ZNF438: variants seen among roughly 807,000 people sequenced by gnomAD.
The protein encoded by ZNF438 is zinc finger protein 438.
ZNF438 carries 25 observed loss-of-function variants against 38.0 expected under a neutral mutation model. The observed-to-expected ratio is 0.66, with a 90% confidence interval of 0.48 to 0.92. ZNF438 has a LOEUF of 0.92. Ranked by LOEUF, ZNF438 falls within the 40% of genes least tolerant of loss-of-function variation. The probability of loss-of-function intolerance (pLI) is 0.00; values close to 1 mark genes in which losing one functional copy is unlikely to be tolerated. For synonymous variants in ZNF438, 372 were observed against 364.1 expected (o/e 1.02, Z -0.25); for missense variants, 1,007 against 999.6 (o/e 1.01, Z -0.10).
At chr10:30,868,968 A>G (rs1246389470) in intron 4 of ZNF438, among the ~76,000 whole-genome samples, 1 of 152,260 alleles carries the variant, frequency 6.6e-6, no homozygotes, top group Non-Finnish European at 1.5e-5. Context: ...AAATATATTT[A>G]CATGGTTAAT....
chr10:31,010,215 A>G (rs558808088), intron 1 of ZNF438, among the ~76,000 whole-genome samples: 1 of 152,352 alleles, frequency 6.6e-6, no homozygotes, highest in Admixed American at 6.5e-5. Context: ...ACATGGCTAA[A>G]AGAAAAAATA....
chr10:30,865,675 G>A (rs367747954), intron 4 of ZNF438, among the ~76,000 whole-genome samples: 2 of 152,184 alleles, frequency 1.3e-5, no homozygotes, highest in African/African-American at 4.8e-5. Context: ...TAATGATTTG[G>A]ATCTGAGGAA....
At chr10:30,982,095 C>CTTTTTTTT (rs149729936) in intron 1 of ZNF438, among the ~76,000 whole-genome samples, 1 of 52,124 alleles carries the variant, frequency 1.9e-5, no homozygotes. Context: ...TCCTTTTTCT[C>CTTTTTTTT]TTTCTTTTTT....
At chr10:30,980,672 T>C (rs1021356946) in intron 1 of ZNF438, among the ~76,000 whole-genome samples, 5 of 152,068 alleles carry the variant, frequency 3.3e-5, no homozygotes, top group Admixed American at 2.0e-4. Flanking sequence ...AGTAAAGAAA[T>C]TGTAAATTTG....
intron 3 of ZNF438, among the ~76,000 whole-genome samples, chr10:30,902,798 C>T (rs1037513219): frequency 2.6e-5 from 4 of 152,234 alleles, no homozygotes; most frequent in African/African-American, 7.2e-5. Context: ...GCCAGTCCCG[C>T]AGTGTGCCCG....
intron 4 of ZNF438, among the ~76,000 whole-genome samples, chr10:30,868,086 T>TG (rs35035628): frequency 6.6e-6 from 1 of 151,934 alleles, no homozygotes; most frequent in Non-Finnish European, 1.5e-5. Flanking sequence ...TTTTTTTTTT[T>TG]GAGACGGAGT....
At chr10:30,910,552 A>AG (rs1395222197) in intron 2 of ZNF438, 1 of 151,872 alleles carries the variant, frequency 6.6e-6, no homozygotes, top group African/African-American at 2.4e-5. Context: ...GAGTCTCAGC[A>AG]GGGGCATGGT....
At chr10:30,902,144 G>C (rs529532006) in intron 3 of ZNF438, among the ~76,000 whole-genome samples, 19 of 152,092 alleles carry the variant, frequency 1.2e-4, no homozygotes, top group African/African-American at 3.1e-4. Flanking sequence ...GGGTTGCCAT[G>C]GCTGGGACTG....
intron 2 of ZNF438, among the ~76,000 whole-genome samples, chr10:30,927,594 T>C (rs933310936): frequency 2.0e-5 from 3 of 152,250 alleles, no homozygotes; most frequent in Non-Finnish European, 2.9e-5. Flanking sequence ...CCCTTAGTTT[T>C]AGCAGATTAA....
rs908699369 is a variant in ZNF438, at chr10:30,868,614, C to T, written c.37+8384G>A. 4.6e-5 allele frequency among the ~76,000 whole-genome samples: 7 copies of T among 152,058 alleles called. No individual in the cohort carries two copies. In the East Asian group the frequency reaches 1.3e-3, roughly 29 times the overall value. ...ATTAGATTTTTAAAAACAGAAAATG[C>T]CTATCCTTTATTTTTGGCTTGCATA... On this transcript the variant is annotated intron_variant, in intron 4 of 5. Transcript: ENST00000413025.
chr10:30,941,514 T>C, intron 2 of ZNF438, 61 bp downstream of exon 3: 1 of 152,334 alleles, frequency 6.6e-6, no homozygotes, highest in South Asian at 2.1e-4. Flanking sequence ...TTAGTAAACT[T>C]AATTCTTTGC....
rs577246525 is a variant in ZNF438 at position 31,011,107 on chromosome 10, G to A, written c.-192+20726C>T. Among the ~76,000 whole-genome samples, 8 of 152,220 alleles carry A rather than the reference G, an allele frequency of 5.3e-5. No homozygotes were observed. The East Asian group carries it at 5.8e-4, about 11-fold the overall frequency. ...ACCACTTTGTAACGGGAGGGTGCAC[G>A]TACCACTGTCAGGCAAAACAGGTGC... On this transcript the variant is annotated intron_variant, in intron 1 of 5. Coordinates refer to ENST00000413025, the Ensembl canonical transcript of ZNF438.
intron 1 of ZNF438, among the ~76,000 whole-genome samples, chr10:30,969,995 A>C (rs372538888): frequency 2.0e-5 from 3 of 152,044 alleles, no homozygotes; most frequent in African/African-American, 7.2e-5. Flanking sequence ...ATATTTACTG[A>C]GACCTTTGGC....
rs77891825 is a variant in ZNF438, at chr10:30,997,326, T to C, written c.-192+34507A>G. Among the ~76,000 whole-genome samples, 902 of 152,082 alleles carry C rather than the reference T, an allele frequency of 5.9e-3. 9 individuals are homozygous for C. The highest frequency in any genetic ancestry group is 0.021 in the African/African-American group (870 of 41,480). On this transcript the variant is annotated intron_variant, in intron 1 of 5. Coordinates refer to ENST00000413025, the Ensembl canonical transcript of ZNF438. ...CTTATTAGGAGGAACAAAATCCAGATTGCAAGGAATTTAAGGAATAAATGG... is the reference window on the plus strand; with the variant it reads ...CTTATTAGGAGGAACAAAATCCAGACTGCAAGGAATTTAAGGAATAAATGG...
chr10:30,901,858 G>C (rs1031612737), intron 3 of ZNF438, among the ~76,000 whole-genome samples: 2 of 152,162 alleles, frequency 1.3e-5, no homozygotes, highest in African/African-American at 4.8e-5. Flanking sequence ...TGTGTTCAGA[G>C]TTTCTTCTTT....
intron 2 of ZNF438, chr10:30,921,006 A>T (rs1011458637): frequency 1.3e-5 from 2 of 152,186 alleles, no homozygotes; most frequent in African/African-American, 4.8e-5. Flanking sequence ...AGCATATAAG[A>T]TCTTTTACAG....
intron 4 of ZNF438, among the ~76,000 whole-genome samples, chr10:30,866,833 C>CA (rs58445759): frequency 9.6e-4 from 133 of 138,632 alleles, no homozygotes; most frequent in Middle Eastern, 7.9e-3. Flanking sequence ...GACTCTGTCT[C>CA]AAAAAAAAAA....
At chr10:30,845,734 C>T (rs1355066585) in intron 5 of ZNF438, among the ~76,000 whole-genome samples, 161 bp from the exon 7 acceptor site, 4 of 152,296 alleles carry the variant, frequency 2.6e-5, no homozygotes, top group South Asian at 2.1e-4. Flanking sequence ...CTGCAAGGAC[C>T]GTGGTGAATA....
chr10:30,845,557 G>T (rs1476543663), exon 6 of ZNF438: 3 of 1,610,422 alleles, frequency 1.9e-6, no homozygotes, highest in Admixed American at 1.7e-5. Context: ...TCTTCTTCCA[G>T]GTTGGACTTG....
Sources: gnomAD v4.1 joint callset for allele counts (sites outside exome capture counted in the v4.1 genomes callset) on GRCh38, gnomAD v4.1.1 for gene constraint, MANE v1.5 for transcripts, NCBI Gene and HGNC (gene_info 2026-07-23, HGNC 2026-07-21) for gene names.